RGP1: variants seen among roughly 807,000 people sequenced by gnomAD.
RGP1 encodes RAB6A-GEF complex partner protein 2.
RGP1 carries 28 observed loss-of-function variants against 44.5 expected under a neutral mutation model. The observed-to-expected ratio is 0.63, with a 90% CI of 0.47 to 0.86. The LOEUF (loss-of-function observed/expected upper bound fraction) is 0.86, where lower values mean the gene tolerates loss of function less well. Among genes scored for constraint, RGP1 ranks in the 40% least tolerant of loss-of-function variants. The probability of loss-of-function intolerance (pLI) is 0.00; values close to 1 mark genes in which losing one functional copy is unlikely to be tolerated. For synonymous variants in RGP1, 212 were observed against 196.7 expected (o/e 1.08, Z -0.65); for missense variants, 417 against 490.7 (o/e 0.85, Z 1.42).
chr9:35,765,673 G>T, the RGP1 span, among the ~76,000 whole-genome samples: 1 of 143,074 alleles, frequency 7.0e-6, no homozygotes. Flanking sequence ...AAAAAAAAAA[G>T]TTACTGATTT....
At chr9:35,772,460 A>C in the RGP1 span, 1 of 152,098 alleles carries the variant, frequency 6.6e-6, no homozygotes, top group Non-Finnish European at 1.5e-5. Flanking sequence ...CAAACTAACA[A>C]CTCCACTGTA....
At chr9:35,768,404 G>C in the RGP1 span, among the ~76,000 whole-genome samples, 1 of 152,174 alleles carries the variant, frequency 6.6e-6, no homozygotes, top group African/African-American at 2.4e-5. Flanking sequence ...AGACTTTATG[G>C]AGATGTCTGA....
At chr9:35,782,810 A>AT in the RGP1 span, among the ~76,000 whole-genome samples, 5,618 of 128,992 alleles carry the variant, frequency 0.044, 334 homozygotes, top group African/African-American at 0.14. Flanking sequence ...AAGTTACTTA[A>AT]TTTTTTTTTT....
chr9:35,769,374 A>T, the RGP1 span, among the ~76,000 whole-genome samples: 30,292 of 151,188 alleles, frequency 0.2, 3,399 homozygotes, highest in East Asian at 0.4. Flanking sequence ...TTTGTCATTC[A>T]TTTTTTTTCT....
intron 2 of RGP1, 99 bp from the exon 3 acceptor site, chr9:35,750,144 C>T: frequency 6.8e-7 from 1 of 1,478,740 alleles, no homozygotes; most frequent in South Asian, 1.3e-5. Context: ...CTAGGACAGC[C>T]ATCTAACCTT....
downstream of RGP1, among the ~76,000 whole-genome samples, chr9:35,759,556 G>A (rs1184363307): frequency 9.2e-6 from 1 of 108,116 alleles, no homozygotes; most frequent in Non-Finnish European, 1.7e-5. Flanking sequence ...GACAGAGGGA[G>A]ACCCTGTCTC....
chr9:35,758,197 A>G lies in RGP1; in HGVS notation c.*5323A>G, dbSNP rs1282034822. 6.6e-6 allele frequency: 1 copy of G among 152,182 alleles called. No homozygotes were observed. The allele number at this position is 152,182 out of a possible 1,614,324, so 9.4% of individuals were successfully genotyped here. A position where few individuals can be genotyped will look rare whatever the true frequency, so the allele number is the denominator to read the frequency against. On this transcript the variant is annotated 3_prime_UTR_variant, in exon 9 of 9. Transcript: ENST00000378078. ...TAACCTGCCCTTTATATTTTGAACC[A>G]AATAAAACATTTCTTGGAATGGGAG... is the stretch of plus-strand genomic sequence containing the variant.
the RGP1 span, among the ~76,000 whole-genome samples, chr9:35,777,225 G>C: frequency 1.4e-5 from 2 of 146,048 alleles, no homozygotes; most frequent in Non-Finnish European, 3.0e-5. Context: ...CGCCTCCCAG[G>C]TTCACACCTT....
In RGP1 at chr9:35,758,328, G is replaced by T. The variant is rs755250335; in HGVS notation, c.*5454G>T. ...ATACAGTTTCTGTATTTATCCTGTG[G>T]CTGATAGAAAAAGTTAAAGCTGTTT... On this transcript the variant is annotated 3_prime_UTR_variant, in exon 9 of 9. Coordinates refer to ENST00000378078, the MANE Select transcript of RGP1 (RefSeq NM_001080496.3). 33 of 152,296 alleles carry T rather than the reference G, an allele frequency of 2.2e-4. No individual in the cohort carries two copies. Among genetic ancestry groups the T allele is most frequent in the Admixed American group, 7.8e-4 (12 of 15,304 alleles). The allele number at this position is 152,296 out of a possible 1,614,324, so 9.4% of individuals were successfully genotyped here. A position where few individuals can be genotyped will look rare whatever the true frequency, so the allele number is the denominator to read the frequency against.
chr9:35,757,444 A>AG lies in RGP1; in HGVS notation c.*4575dup. 6.6e-6 allele frequency: 1 copy of AG among 152,660 alleles called. No individual in the cohort carries two copies. The highest frequency in any genetic ancestry group is 2.4e-5 in the African/African-American group (1 of 41,510). 9.5% of individuals were successfully genotyped at this position (152,660 alleles called of 1,614,324 possible). A position where few individuals can be genotyped will look rare whatever the true frequency, so the allele number is the denominator to read the frequency against. On this transcript the variant is annotated 3_prime_UTR_variant, in exon 9 of 9. Transcript: ENST00000378078. ...ACCCCAGGGCAAGGAGGGGCCCCCG[A>AG]GGGGGAAACCGGGAGTCGGGCAGGT...
the RGP1 span, among the ~76,000 whole-genome samples, chr9:35,770,492 G>GGAGAGAGA: frequency 0.019 from 2,021 of 106,894 alleles, 134 homozygotes; most frequent in African/African-American, 0.027. Flanking sequence ...GTATTACCAT[G>GGAGAGAGA]GAGAGAGAGA....
At chr9:35,764,595 A>G in the RGP1 span, among the ~76,000 whole-genome samples, 1 of 152,152 alleles carries the variant, frequency 6.6e-6, no homozygotes, top group Non-Finnish European at 1.5e-5. Flanking sequence ...TACCTGTGTA[A>G]TCATCTTCCC....
At position 35,749,921 on chromosome 9, in the gene RGP1, T is replaced by C. The variant is rs755817316; in HGVS notation, c.116+50T>C. On this transcript the variant is annotated intron_variant, in intron 2 of 8. Transcript: ENST00000378078. This position sits in a 1 kb window ranked among gnomAD's most constrained non-coding sequence, Gnocchi z 4.4. ...GTGGCCCTTCTGGGAAGAAGCCAGA[T>C]TATCTCTGGGGCTGAGGCAGAGCTC... The C allele has an allele frequency of 7.2e-7, 1 of 1,380,238 alleles. No homozygotes were observed. The highest frequency in any genetic ancestry group is 1.0e-6 in the Non-Finnish European group (1 of 975,194). 85.5% of individuals were successfully genotyped at this position (1,380,238 alleles called of 1,614,324 possible).
the RGP1 span, chr9:35,772,436 C>T: frequency 2.6e-5 from 4 of 152,114 alleles, no homozygotes; most frequent in South Asian, 2.1e-4. Context: ...ACTGGAGGAA[C>T]TTACTGTCAT....
the RGP1 span, among the ~76,000 whole-genome samples, chr9:35,778,163 G>A: frequency 2.6e-5 from 4 of 152,254 alleles, no homozygotes; most frequent in African/African-American, 7.2e-5. Context: ...TTGGCCGGGC[G>A]TGGTGGCGCA....
At chr9:35,778,756 A>C in the RGP1 span, among the ~76,000 whole-genome samples, 2 of 152,300 alleles carry the variant, frequency 1.3e-5, no homozygotes, top group South Asian at 4.1e-4. Flanking sequence ...AAGGCTTGTT[A>C]ATCTGGGATC....
chr9:35,760,718 C>T (rs1827410456), downstream of RGP1, among the ~76,000 whole-genome samples: 1 of 151,156 alleles, frequency 6.6e-6, no homozygotes, highest in Non-Finnish European at 1.5e-5. Flanking sequence ...CACTACCTTC[C>T]CACCCCCAAC....
At chr9:35,764,763 GTATGTATTCTGCATT>G in the RGP1 span, among the ~76,000 whole-genome samples, 1 of 152,188 alleles carries the variant, frequency 6.6e-6, no homozygotes, top group Non-Finnish European at 1.5e-5. Flanking sequence ...GAGTCACAGA[GTATGTATTCTGCATT>G]TGGCTTCTTT....
chr9:35,754,409 A>G lies in RGP1; in HGVS notation c.*1535A>G. On this transcript the variant is annotated 3_prime_UTR_variant, in exon 9 of 9. Transcript: ENST00000378078. ...AGGTCTAGCTTTAACAAGCTGTGAG[A>G]GCTGATTCATGCCCCGGCACAGCTA... 1 of 297,898 alleles carries G rather than the reference A, an allele frequency of 3.4e-6. No homozygotes were observed. The highest frequency in any genetic ancestry group is 6.2e-6 in the Non-Finnish European group (1 of 161,092). 18.5% of individuals were successfully genotyped at this position (297,898 alleles called of 1,614,324 possible). A position where few individuals can be genotyped will look rare whatever the true frequency, so the allele number is the denominator to read the frequency against.
Sources: allele counts gnomAD v4.1 joint callset (sites outside exome capture counted in the v4.1 genomes callset), GRCh38; gene constraint gnomAD v4.1.1; non-coding constraint Gnocchi (gnomAD v3.1); transcripts MANE v1.5; gene names NCBI Gene and HGNC (gene_info 2026-07-23, HGNC 2026-07-21).